Variants in ROBO2 observed in about 807,000 individuals in gnomAD.
ROBO2 encodes roundabout homolog 2.
Under a neutral mutation model 160.8 loss-of-function variants are expected in ROBO2, and 53 were observed. The ratio of observed to expected loss-of-function variants is 0.33; its 90% CI spans 0.26 to 0.41. ROBO2 has a LOEUF of 0.41. ROBO2 is among the 10% of genes least tolerant of loss of function. ROBO2 has a pLI of 1.00. For synonymous variants in ROBO2, 664 were observed against 611.7 expected, an observed-to-expected ratio of 1.09 and a Z score of -1.26; for missense variants, 1,577 against 1,722.4, an observed-to-expected ratio of 0.92 and a Z score of 1.49.
intron 2 of ROBO2, among the ~76,000 whole-genome samples, chr3:76,853,630 C>A (rs1447858844): frequency 6.6e-6 from 1 of 152,062 alleles, no homozygotes; most frequent in Non-Finnish European, 1.5e-5. Context: ...CATTGGCCTG[C>A]AATTTTAAAA....
At chr3:76,802,354 GT>G (rs923775494) in intron 2 of ROBO2, among the ~76,000 whole-genome samples, 1 of 152,150 alleles carries the variant, frequency 6.6e-6, no homozygotes, top group African/African-American at 2.4e-5. Flanking sequence ...AAATCTATTA[GT>G]TTACCATGAA....
chr3:76,789,806 T>TA (rs1404498440), intron 2 of ROBO2, among the ~76,000 whole-genome samples: 5 of 151,598 alleles, frequency 3.3e-5, no homozygotes, highest in Admixed American at 6.6e-5. Context: ...ATGTCATGTA[T>TA]TAAGTCAAGG....
chr3:76,362,174 G>C (rs1360507224), intron 2 of ROBO2, among the ~76,000 whole-genome samples: 1 of 151,992 alleles, frequency 6.6e-6, no homozygotes, highest in Non-Finnish European at 1.5e-5. Context: ...AGACCAGCCT[G>C]GTCAACATGG....
intron 2 of ROBO2, among the ~76,000 whole-genome samples, chr3:76,268,170 G>A (rs147213505): frequency 6.6e-6 from 1 of 152,152 alleles, no homozygotes; most frequent in Non-Finnish European, 1.5e-5. Flanking sequence ...CTCAGGAGAC[G>A]GAGGTGGGAG....
chr3:77,186,415 T>C (rs1247058356), intron 2 of ROBO2, among the ~76,000 whole-genome samples: 2 of 151,852 alleles, frequency 1.3e-5, no homozygotes, highest in Admixed American at 1.3e-4. Context: ...TAGGAGGTGA[T>C]GGTTTACAGG....
At chr3:77,478,663 A>G (rs1022234121) in intron 3 of ROBO2, among the ~76,000 whole-genome samples, 1 of 152,222 alleles carries the variant, frequency 6.6e-6, no homozygotes, top group African/African-American at 2.4e-5. Flanking sequence ...GAGTGAATAC[A>G]TTTAAGATAA....
At chr3:76,405,391 A>T (rs1014621484) in intron 2 of ROBO2, among the ~76,000 whole-genome samples, 1 of 151,678 alleles carries the variant, frequency 6.6e-6, no homozygotes, top group Non-Finnish European at 1.5e-5. Flanking sequence ...TTCATTCTAG[A>T]TACATATGAT....
At chr3:76,081,137 T>A (rs2068813974) in intron 2 of ROBO2, among the ~76,000 whole-genome samples, 1 of 148,634 alleles carries the variant, frequency 6.7e-6, no homozygotes, top group South Asian at 2.1e-4. Context: ...GTTTTATAGT[T>A]TTTTTTTACA....
intron 2 of ROBO2, among the ~76,000 whole-genome samples, chr3:76,840,648 TATATATATATA>T (rs1559586311): frequency 7.7e-5 from 1 of 13,064 alleles, no homozygotes; most frequent in African/African-American, 3.0e-4. Context: ...TTATATTTTA[TATATATATATA>T]TATATATATA....
At position 76,445,567 on chromosome 3, in the gene ROBO2, C is replaced by G. The variant is rs921494708; in HGVS notation, c.109+507965C>G. Among the ~76,000 whole-genome samples, 7 of 152,074 alleles carry G rather than the reference C, an allele frequency of 4.6e-5. 1 individual carries two copies. Among genetic ancestry groups the G allele is most frequent in the Middle Eastern group, 3.2e-3 (1 of 316 alleles). On this transcript the variant is annotated intron_variant, in intron 2 of 26. Coordinates refer to the ROBO2 transcript ENST00000487694. ...GGCCAGCTTCATCCTGATACCAAAG[C>G]CTGGCAGAGACACAACGAAAAAAGA...
intron 2 of ROBO2, among the ~76,000 whole-genome samples, chr3:76,250,906 G>A (rs1371461923): frequency 2.6e-5 from 4 of 152,002 alleles, no homozygotes; most frequent in African/African-American, 9.7e-5. Flanking sequence ...GGGGTAAAAA[G>A]TAAGCAACAA....
At chr3:76,487,337 T>C (rs2079554290) in intron 2 of ROBO2, among the ~76,000 whole-genome samples, 2 of 151,984 alleles carry the variant, frequency 1.3e-5, no homozygotes, top group Admixed American at 1.3e-4. Flanking sequence ...ATAGTGGACC[T>C]CAGTGACATA....
At chr3:77,422,311 G>A (rs9830337) in intron 2 of ROBO2, among the ~76,000 whole-genome samples, 88,790 of 151,972 alleles carry the variant, frequency 0.58, 26,407 homozygotes, top group East Asian at 0.7. Flanking sequence ...TGGTGTCCAG[G>A]GAATCTTGCT....
intron 2 of ROBO2, among the ~76,000 whole-genome samples, chr3:76,834,027 C>CTTTCTTTCT (rs1553651146): frequency 0.15 from 8,281 of 54,304 alleles, 520 homozygotes; most frequent in East Asian, 0.29. Context: ...TCTTTCTTTT[C>CTTTCTTTCT]TTTCTTTCTT....
At chr3:76,996,401 G>A (rs1323481496) in intron 2 of ROBO2, among the ~76,000 whole-genome samples, 1 of 152,130 alleles carries the variant, frequency 6.6e-6, no homozygotes, top group African/African-American at 2.4e-5. Context: ...CTCCAGCTTT[G>A]TTCTTTTGGC....
At chr3:75,977,535 CTT>C (rs1029073645) in intron 2 of ROBO2, among the ~76,000 whole-genome samples, 1 of 151,464 alleles carries the variant, frequency 6.6e-6, no homozygotes, top group Non-Finnish European at 1.5e-5. Flanking sequence ...ACAAGCAACT[CTT>C]TCTACCATAT....
chr3:76,713,165 A>G (rs146742214), intron 2 of ROBO2, among the ~76,000 whole-genome samples: 3,189 of 152,294 alleles, frequency 0.021, 119 homozygotes, highest in African/African-American at 0.069. Context: ...AGTTTTGGTA[A>G]AGTGCTTTAT....
chr3:77,388,070 T>C (rs2074319756), intron 2 of ROBO2, among the ~76,000 whole-genome samples: 2 of 151,942 alleles, frequency 1.3e-5, no homozygotes, highest in African/African-American at 4.8e-5. Flanking sequence ...GGTCAGATAT[T>C]TGTAGCAAAT....
At chr3:77,013,545 C>T (rs999445942) in intron 2 of ROBO2, among the ~76,000 whole-genome samples, 3 of 151,928 alleles carry the variant, frequency 2.0e-5, no homozygotes, top group Non-Finnish European at 4.4e-5. Context: ...AGGCTCTGAC[C>T]GTCATTAAAG....
Sources: gnomAD v4.1 joint callset for allele counts (sites outside exome capture counted in the v4.1 genomes callset) on GRCh38, gnomAD v4.1.1 for gene constraint, MANE v1.5 for transcripts, NCBI Gene and HGNC (gene_info 2026-07-23, HGNC 2026-07-21) for gene names.